Variants in RPGR observed in about 807,000 individuals in gnomAD.
RPGR encodes the protein retinitis pigmentosa GTPase regulator.
Under a neutral mutation model 56.3 loss-of-function variants are expected in RPGR, and 10 were observed. That is an observed-to-expected ratio of 0.18 (90% confidence interval 0.11 to 0.30). RPGR has a LOEUF of 0.30. RPGR is among the 10% of genes least tolerant of loss of function. The pLI is 1.00. For missense variants in RPGR, 538 were observed against 590.9 expected (o/e 0.91, Z 0.93); for synonymous variants, 197 against 212.9 (o/e 0.93, Z 0.65).
chrX:38,322,812 ATACTT>A (rs769720493), intron 3 of RPGR, 36 bp downstream of exon 3: 1 of 1,040,846 alleles, frequency 9.6e-7, no homozygotes, highest in Non-Finnish European at 1.4e-6. Context: ...CAACATAAAA[ATACTT>A]TATACAGTTT....
chrX:38,285,053 A>G (rs2067102417), intron 15 of RPGR: 3 of 729,775 alleles, frequency 4.1e-6, no homozygotes, highest in African/African-American at 2.3e-5. Flanking sequence ...ATTGAGTTTT[A>G]GAATACCATC....
intron 3 of RPGR, 56 bp from the exon 4 acceptor site, chrX:38,321,145 C>G (rs887156333): frequency 9.1e-6 from 8 of 878,377 alleles, no homozygotes; most frequent in Non-Finnish European, 1.3e-5. Flanking sequence ...GAACAGTAGT[C>G]CAGGACAAAT....
intron 6 of RPGR, among the ~76,000 whole-genome samples, chrX:38,315,549 G>A (rs1424503511): frequency 9.0e-6 from 1 of 111,449 alleles, no homozygotes; most frequent in Non-Finnish European, 1.9e-5. Context: ...TAGAAGGATT[G>A]TTACCAAAGG....
chrX:38,287,651 T>C (rs1272548126), intron 14 of RPGR: 2 of 517,463 alleles, frequency 3.9e-6, no homozygotes, highest in Admixed American at 2.7e-5. Flanking sequence ...AAATCCTTCA[T>C]ACCTGCTATT....
chrX:38,307,070 T>C (rs1447268155), intron 7 of RPGR, among the ~76,000 whole-genome samples: 1 of 112,712 alleles, frequency 8.9e-6, no homozygotes, highest in Admixed American at 9.4e-5. Flanking sequence ...GAACTAATAA[T>C]TTGTTAACCT....
intron 7 of RPGR, among the ~76,000 whole-genome samples, chrX:38,306,106 C>G (rs930689429): frequency 1.8e-5 from 2 of 111,908 alleles, no homozygotes; most frequent in Non-Finnish European, 3.8e-5. Flanking sequence ...CATTAGGAAG[C>G]GCAGTGTCGA....
At chrX:38,312,484 A>T (rs935640479) in intron 6 of RPGR, among the ~76,000 whole-genome samples, 15 of 106,307 alleles carry the variant, frequency 1.4e-4, no homozygotes, top group Non-Finnish European at 4.0e-5. Context: ...CTTCCAAATA[A>T]AAAAAAAATA....
At chrX:38,270,034 C>G (rs1387828003) in intron 18 of RPGR, among the ~76,000 whole-genome samples, 1 of 111,888 alleles carries the variant, frequency 8.9e-6, no homozygotes, top group African/African-American at 3.3e-5. Flanking sequence ...CACCCTAAAA[C>G]AAGACCTCTC....
At chrX:38,307,559 A>G (rs2067627535) in intron 7 of RPGR, among the ~76,000 whole-genome samples, 1 of 112,364 alleles carries the variant, frequency 8.9e-6, no homozygotes, top group African/African-American at 3.2e-5. Flanking sequence ...AAATTGGAAC[A>G]GGTGATTAGC....
At chrX:38,320,256 A>G (rs2067908073) in intron 4 of RPGR, among the ~76,000 whole-genome samples, 2 of 97,904 alleles carry the variant, frequency 2.0e-5, no homozygotes, top group African/African-American at 7.5e-5. Context: ...TGAAGACAGA[A>G]TAAGTGGTGG....
intron 15 of RPGR, among the ~76,000 whole-genome samples, chrX:38,281,456 A>T (rs2067030093): frequency 8.9e-6 from 1 of 112,067 alleles, no homozygotes; most frequent in African/African-American, 3.2e-5. Flanking sequence ...CATTATTGCA[A>T]TCTACTTTAT....
At chrX:38,323,148 A>T (rs1292487456) in intron 2 of RPGR, among the ~76,000 whole-genome samples, 7 of 112,182 alleles carry the variant, frequency 6.2e-5, no homozygotes, top group Non-Finnish European at 1.1e-4. Flanking sequence ...AGGTTTTTTT[A>T]AAAAATTATA....
chrX:38,317,713 T>C, intron 5 of RPGR: 1 of 312,781 alleles, frequency 3.2e-6, no homozygotes, highest in South Asian at 5.6e-5. Context: ...ACCATATTTT[T>C]ATCTCGATAG....
rs1429599926 is a variant in RPGR, at chrX:38,327,482, G to T, written c.-115C>A. On this transcript the variant is annotated 5_prime_UTR_variant, in exon 1 of 19. Coordinates refer to ENST00000642395, the MANE Select transcript of RPGR (RefSeq NM_000328.3). The stretch of plus-strand genomic sequence containing the variant: ...CGGGCCGCGAAAGCCCCCAAGTTCC[G>T]CATGGCGAAACTCCGGAGATCAACT... 4.0e-6 allele frequency: 3 copies of T among 747,201 alleles called. No homozygotes were observed. The African/African-American group carries it at 6.6e-5, about 16-fold the overall frequency. The allele number at this position is 747,201 out of a possible 1,213,427, so 61.6% of individuals were successfully genotyped here. A position where few individuals can be genotyped will look rare whatever the true frequency, so the allele number is the denominator to read the frequency against.
At chrX:38,309,828 C>CA (rs57299801) in intron 7 of RPGR, among the ~76,000 whole-genome samples, 22 of 104,111 alleles carry the variant, frequency 2.1e-4, no homozygotes, top group East Asian at 6.0e-4. Context: ...AACTCCGTCT[C>CA]AAAAAAAAAC....
chrX:38,311,837 T>C (rs1293186487), intron 6 of RPGR, among the ~76,000 whole-genome samples: 1 of 111,144 alleles, frequency 9.0e-6, no homozygotes, highest in African/African-American at 3.3e-5. Context: ...TGGGCTTCCC[T>C]GGGCAGAGAC....
intron 9 of RPGR, among the ~76,000 whole-genome samples, chrX:38,300,230 G>A (rs1043286311): frequency 2.7e-5 from 3 of 111,698 alleles, no homozygotes; most frequent in Non-Finnish European, 5.6e-5. Context: ...GATTACAGGC[G>A]TGAGCCACCG....
rs961164951 is a variant in RPGR at position 38,313,306 on chromosome X, G to T, written c.620-2533C>A. Among the ~76,000 whole-genome samples, 11 of 111,844 alleles carry T rather than the reference G, an allele frequency of 9.8e-5. No individual in the cohort carries two copies. The East Asian group carries it at 1.7e-3, about 17-fold the overall frequency. On this transcript the variant is annotated intron_variant, in intron 6 of 18. Coordinates refer to ENST00000642395, the MANE Select transcript of RPGR (RefSeq NM_000328.3). Reference sequence around the variant, plus strand: ...CTTACGTTACCAATCATGGTCTGCTGTATATTGCAGTTATTGGTCTAGCAC... The same window carrying T: ...CTTACGTTACCAATCATGGTCTGCTTTATATTGCAGTTATTGGTCTAGCAC...
chrX:38,295,387 C>T (rs75904312), intron 11 of RPGR, among the ~76,000 whole-genome samples: 10,582 of 111,848 alleles, frequency 0.095, 502 homozygotes, highest in African/African-American at 0.16. Flanking sequence ...GATACAACTT[C>T]CAAAATGTTT....
Sources: gnomAD v4.1 joint callset for allele counts (sites outside exome capture counted in the v4.1 genomes callset) on GRCh38, gnomAD v4.1.1 for gene constraint, MANE v1.5 for transcripts, NCBI Gene and HGNC (gene_info 2026-07-23, HGNC 2026-07-21) for gene names.